ITGB8: variants seen among roughly 807,000 people sequenced by gnomAD.
The protein encoded by ITGB8 is integrin subunit beta 8, also known as integrin beta-8.
ITGB8 carries 30 observed loss-of-function variants against 89.5 expected under a neutral mutation model. That is an observed-to-expected ratio of 0.34 (90% confidence interval 0.25 to 0.45). The LOEUF is 0.45. ITGB8 is among the 20% of genes least tolerant of loss of function. The pLI is 1.00. For synonymous variants in ITGB8, 335 were observed against 320.4 expected, an observed-to-expected ratio of 1.05 and a Z score of -0.49; for missense variants, 836 against 933.3, an observed-to-expected ratio of 0.90 and a Z score of 1.36.
At chr7:20,369,104 ATCTT>A (rs1785825233) in intron 3 of ITGB8, among the ~76,000 whole-genome samples, 1 of 152,228 alleles carries the variant, frequency 6.6e-6, no homozygotes, top group Non-Finnish European at 1.5e-5. Context: ...TTTCCTGCAA[ATCTT>A]TCAGAATTCT....
intron 12 of ITGB8, among the ~76,000 whole-genome samples, chr7:20,408,377 CAAAAA>C (rs3032573): frequency 2.1e-5 from 2 of 97,284 alleles, no homozygotes; most frequent in Non-Finnish European, 4.7e-5. Context: ...TACCTTATCA[CAAAAA>C]AAAAAAAAAA....
At chr7:20,373,926 T>A (rs1467420014) in intron 3 of ITGB8, among the ~76,000 whole-genome samples, 1 of 152,244 alleles carries the variant, frequency 6.6e-6, no homozygotes, top group Non-Finnish European at 1.5e-5. Context: ...AAACTCATTT[T>A]AACCACTTTT....
Position 20,401,882 on chromosome 7 carries a change from T to G in ITGB8, c.1443T>G (p.Cys481Trp). 1 of 1,614,090 alleles carries G rather than the reference T, an allele frequency of 6.2e-7. No individual in the cohort carries two copies. The highest frequency in any genetic ancestry group is 8.5e-7 in the Non-Finnish European group (1 of 1,179,984). ...ACAACAGAGGACCTAAAGGAAAGTG[T>G]GTAGATGAAACTTTTCTAGATTCCA... ...CEDNRGPKGKCVDETFLDSKC... is the reference protein window; with the variant it reads ...CEDNRGPKGKWVDETFLDSKC... The change falls in exon 10 of 14, where the codon TGT becomes TGG. Residue 481 changes from cysteine to tryptophan, a missense_variant. By Grantham distance (215) the Cys-to-Trp change is radical. This residue lies in a region of ITGB8 where 422 missense variants were observed against 416.9 expected (regional missense o/e 1.01). Transcript: ENST00000222573.
chr7:20,404,956 C>A, intron 11 of ITGB8, 103 bp downstream of exon 11: 2 of 949,958 alleles, frequency 2.1e-6, no homozygotes, highest in East Asian at 2.4e-5. Context: ...ATTGTGACCA[C>A]CATGCTAAAA....
At chr7:20,363,806 G>A in intron 2 of ITGB8, 84 bp downstream of exon 2, 1 of 684,220 alleles carries the variant, frequency 1.5e-6, no homozygotes. Flanking sequence ...GTGCCTTGAA[G>A]GTGCATCAGG....
At chr7:20,332,068 C>T (rs1307140134) in intron 1 of ITGB8, 135 bp downstream of exon 1, 3 of 1,452,576 alleles carry the variant, frequency 2.1e-6, no homozygotes, top group East Asian at 5.0e-5. Flanking sequence ...GGGTGCGGGG[C>T]AGCGTCCTCC....
intron 3 of ITGB8, among the ~76,000 whole-genome samples, chr7:20,378,472 C>A (rs934332002): frequency 6.6e-6 from 1 of 152,256 alleles, no homozygotes; most frequent in Non-Finnish European, 1.5e-5. Context: ...ATCTTACCAA[C>A]TAACTAGTGA....
chr7:20,362,140 A>G (rs1785526020), intron 1 of ITGB8, among the ~76,000 whole-genome samples: 1 of 151,820 alleles, frequency 6.6e-6, no homozygotes, highest in Non-Finnish European at 1.5e-5. Flanking sequence ...CTCCCTCTCT[A>G]CTCTTCTCCT....
intron 12 of ITGB8, among the ~76,000 whole-genome samples, chr7:20,407,632 G>GA (rs1357610068): frequency 6.6e-6 from 1 of 152,120 alleles, no homozygotes; most frequent in Admixed American, 6.5e-5. Flanking sequence ...ACTTGGCTCT[G>GA]AAAAAAGCCC....
chr7:20,377,942 G>A (rs1786220086), intron 3 of ITGB8, among the ~76,000 whole-genome samples: 1 of 152,038 alleles, frequency 6.6e-6, no homozygotes, highest in South Asian at 2.1e-4. Context: ...TAAATTAGAA[G>A]GTTCTTTAAA....
intron 1 of ITGB8, among the ~76,000 whole-genome samples, chr7:20,359,923 C>G (rs577841447): frequency 1.9e-4 from 29 of 152,280 alleles, no homozygotes; most frequent in African/African-American, 7.0e-4. Context: ...GTTTGACACT[C>G]TTCCCATGCA....
Position 20,380,732 on chromosome 7 carries a change from C to T in ITGB8, c.702C>T (p.Ile234=), listed in dbSNP as rs1786345546. 1 of 1,613,118 alleles carries T rather than the reference C, an allele frequency of 6.2e-7. No homozygotes were observed. Among genetic ancestry groups the T allele is most frequent in the Admixed American group, 1.7e-5 (1 of 60,020 alleles). ...ATGTGCTGTCTTTGACAGAGAACAT[C>T]ACTGAGTTTGAGAAAGCAGTTCATA... ...YIHVLSLTEN[I]TEFEKAVHRQ... The change falls in exon 5 of 14, where the codon ATC becomes ATT. Residue 234 remains isoleucine (I), a synonymous_variant. Transcript: ENST00000222573.
chr7:20,331,928 A>G lies in ITGB8; in HGVS notation c.122A>G (p.Gln41Arg), dbSNP rs1023838873. ...WVFSLVLGLG[Q>R]GEDNRCASSN... ...TTTTCACTTGTTCTTGGACTGGGCCAAGGTGGTAAGTTGTTTTGTTTTGTT... is the reference window on the plus strand; with the variant it reads ...TTTTCACTTGTTCTTGGACTGGGCCGAGGTGGTAAGTTGTTTTGTTTTGTT... The change falls in exon 1 of 14, where the codon CAA (glutamine) becomes CGA (arginine). Residue 41 changes from glutamine (Q) to arginine (R), a missense_variant. Transcript: ENST00000222573. The G allele has an allele frequency of 6.8e-6, 11 of 1,614,010 alleles. No individual in the cohort carries two copies. In the African/African-American group the frequency reaches 1.5e-4, roughly 22 times the overall value.
intron 1 of ITGB8, among the ~76,000 whole-genome samples, chr7:20,349,146 T>A (rs1158151951): frequency 1.3e-5 from 2 of 152,174 alleles, no homozygotes; most frequent in East Asian, 3.8e-4. Flanking sequence ...AGTTAACACA[T>A]TTTATAATAA....
intron 10 of ITGB8, among the ~76,000 whole-genome samples, chr7:20,404,132 C>T (rs904797845): frequency 1.2e-4 from 19 of 152,204 alleles, no homozygotes; most frequent in Admixed American, 6.5e-4. Context: ...GATCTTTAAA[C>T]ATGGCACTAG....
chr7:20,371,861 C>T (rs905813368), intron 3 of ITGB8, among the ~76,000 whole-genome samples: 1 of 152,146 alleles, frequency 6.6e-6, no homozygotes, highest in African/African-American at 2.4e-5. Context: ...TTACATTATT[C>T]ACACAAAAAA....
intron 4 of ITGB8, chr7:20,380,457 G>A (rs1002084152): frequency 7.9e-6 from 4 of 505,488 alleles, no homozygotes; most frequent in Middle Eastern, 1.0e-3. Context: ...AATACCAAAT[G>A]CTTATAGTCT....
At chr7:20,397,523 G>A (rs1787137162) in intron 8 of ITGB8, among the ~76,000 whole-genome samples, 1 of 152,214 alleles carries the variant, frequency 6.6e-6, no homozygotes, top group African/African-American at 2.4e-5. Context: ...ACCACACCAG[G>A]CCAACTAAGA....
intron 6 of ITGB8, among the ~76,000 whole-genome samples, chr7:20,383,849 C>T (rs900258706): frequency 2.0e-5 from 3 of 152,080 alleles, no homozygotes; most frequent in African/African-American, 7.2e-5. Context: ...AGGAGTGACC[C>T]TTCCACATGT....
Sources: allele counts gnomAD v4.1 joint callset (sites outside exome capture counted in the v4.1 genomes callset), GRCh38; gene constraint gnomAD v4.1.1; regional missense constraint gnomAD v4.1.1; transcripts MANE v1.5; gene names NCBI Gene and HGNC (gene_info 2026-07-23, HGNC 2026-07-21).